FMN1: variants seen among roughly 807,000 people sequenced by gnomAD.
FMN1 encodes formin 1, also known as formin-1.
In FMN1, 110 loss-of-function variants were observed where a neutral mutation model predicts 132.4. The ratio of observed to expected loss-of-function variants is 0.83; its 90% CI spans 0.71 to 0.97. The LOEUF (loss-of-function observed/expected upper bound fraction) is 0.97. Ranked by LOEUF, FMN1 falls within the 50% of genes least tolerant of loss-of-function variation. The probability of loss-of-function intolerance (pLI) is 0.00; values close to 1 mark genes in which losing one functional copy is unlikely to be tolerated. For synonymous variants in FMN1, 722 were observed against 651.7 expected (o/e 1.11, Z -1.64); for missense variants, 1,792 against 1,705.3 (o/e 1.05, Z -0.90).
At chr15:32,851,125 T>C (rs1368398660) in intron 17 of FMN1, among the ~76,000 whole-genome samples, 2 of 152,138 alleles carry the variant, frequency 1.3e-5, no homozygotes, top group African/African-American at 4.8e-5. Flanking sequence ...TCAAAGGAAC[T>C]TAGAAAATAG....
intron 4 of FMN1, chr15:33,150,047 T>C (rs1471214582): frequency 2.0e-6 from 2 of 985,330 alleles, no homozygotes; most frequent in Non-Finnish European, 2.4e-6. Context: ...CTGGAGCATA[T>C]GCTTCCATCA....
intron 4 of FMN1, among the ~76,000 whole-genome samples, chr15:33,106,877 TTC>T (rs1419803358): frequency 4.6e-5 from 7 of 152,050 alleles, no homozygotes; most frequent in African/African-American, 1.2e-4. Context: ...GTGCAGAATC[TTC>T]TCTGTCTTCA....
intron 4 of FMN1, among the ~76,000 whole-genome samples, chr15:33,127,640 C>T (rs59907211): frequency 1.3e-5 from 1 of 75,868 alleles, no homozygotes; most frequent in Admixed American, 1.6e-4. Flanking sequence ...TCCAATCAAA[C>T]TCAGCACCAT....
Position 33,153,685 on chromosome 15 carries a change from C to T in FMN1, c.1230G>A (p.Ser410=), listed in dbSNP as rs748413973. 3.2e-5 allele frequency: 49 copies of T among 1,536,244 alleles called. No homozygotes were observed. The East Asian group carries it at 4.2e-4, about 13-fold the overall frequency. The change falls in exon 4 of 21, where the codon TCG becomes TCA. Residue 410 remains serine, a synonymous_variant. Transcript: ENST00000616417. ...TGTTCACGGCCCCCTCGGCACTGGC[C>T]GACACACTAGAAATGGAGGCTGTTT... is the stretch of plus-strand genomic sequence containing the variant. ...AGETASISSV[S]ASAEGAVNKV... is the part of the protein sequence containing the mutation.
At chr15:32,886,143 G>C (rs966203902) in intron 16 of FMN1, among the ~76,000 whole-genome samples, 5 of 152,150 alleles carry the variant, frequency 3.3e-5, no homozygotes, top group Non-Finnish European at 5.9e-5. Flanking sequence ...ATTCATTAGA[G>C]AACCTACGGT....
intron 6 of FMN1, among the ~76,000 whole-genome samples, chr15:33,010,464 A>G (rs938466585): frequency 2.6e-5 from 4 of 151,430 alleles, no homozygotes; most frequent in African/African-American, 9.8e-5. Flanking sequence ...AAAGGATGTT[A>G]ATTTGTTTTA....
intron 9 of FMN1, among the ~76,000 whole-genome samples, chr15:32,952,767 A>T (rs2061682261): frequency 6.6e-6 from 1 of 152,212 alleles, no homozygotes; most frequent in Non-Finnish European, 1.5e-5. Flanking sequence ...TAAGGCACCT[A>T]GCATGAAAGT....
At chr15:33,082,939 A>C (rs368588819) in intron 5 of FMN1, among the ~76,000 whole-genome samples, 15 of 152,316 alleles carry the variant, frequency 9.8e-5, no homozygotes, top group African/African-American at 2.6e-4. Context: ...TGGAAACTTC[A>C]TGGCCCAAAA....
At chr15:32,804,842 A>C (rs1163512153) in intron 17 of FMN1, among the ~76,000 whole-genome samples, 3 of 151,942 alleles carry the variant, frequency 2.0e-5, no homozygotes, top group African/African-American at 7.3e-5. Context: ...GCATGAACTT[A>C]CCCTTTTTTA....
intron 5 of FMN1, among the ~76,000 whole-genome samples, chr15:33,075,260 G>A (rs964579831): frequency 2.0e-5 from 3 of 152,062 alleles, no homozygotes; most frequent in Non-Finnish European, 4.4e-5. Context: ...GTTTTCCCAG[G>A]AAAGGAACAG....
Position 32,768,655 on chromosome 15 carries a change from G to A in FMN1, c.*5655C>T, listed in dbSNP as rs1436757184. ...ACGTGATTTTCTGCCTGAAACTATA[G>A]TCTTCTTTGCATTTTGCTGGCCCAA... is the stretch of plus-strand genomic sequence containing the variant. On this transcript the variant is annotated 3_prime_UTR_variant, in exon 21 of 21. Transcript: ENST00000616417. 6.6e-6 allele frequency: 1 copy of A among 152,166 alleles called. No homozygotes were observed. The highest frequency in any genetic ancestry group is 1.5e-5 in the Non-Finnish European group (1 of 68,042). The allele number at this position is 152,166 out of a possible 1,614,324, so 9.4% of individuals were successfully genotyped here.
chr15:33,122,450 A>T (rs1962657071), intron 4 of FMN1, among the ~76,000 whole-genome samples: 1 of 152,234 alleles, frequency 6.6e-6, no homozygotes, highest in African/African-American at 2.4e-5. Context: ...TATTGGCTTT[A>T]GACAGTACAC....
intron 8 of FMN1, 43 bp downstream of exon 8, chr15:32,968,671 C>T (rs1355976328): frequency 1.3e-5 from 21 of 1,608,948 alleles, no homozygotes; most frequent in Non-Finnish European, 1.7e-5. Flanking sequence ...TGGGCCAAAT[C>T]CTAGGAATTC....
At chr15:32,984,433 C>CT (rs2032921292) in intron 7 of FMN1, among the ~76,000 whole-genome samples, 1 of 152,116 alleles carries the variant, frequency 6.6e-6, no homozygotes, top group African/African-American at 2.4e-5. Context: ...ATATAGTAAG[C>CT]TGCAAATTCT....
intron 16 of FMN1, among the ~76,000 whole-genome samples, chr15:32,883,470 G>A (rs2059818178): frequency 8.4e-6 from 1 of 119,016 alleles, no homozygotes; most frequent in South Asian, 3.0e-4. Context: ...TGATTGTGCT[G>A]TTACTCTCAA....
chr15:33,083,825 A>G (rs780204314), intron 5 of FMN1, among the ~76,000 whole-genome samples: 2 of 152,180 alleles, frequency 1.3e-5, no homozygotes, highest in Non-Finnish European at 2.9e-5. Context: ...CCCTGCTGAT[A>G]CAGGATGTCA....
chr15:32,868,764 T>C (rs575715609), intron 16 of FMN1, among the ~76,000 whole-genome samples: 1 of 152,150 alleles, frequency 6.6e-6, no homozygotes, highest in African/African-American at 2.4e-5. Flanking sequence ...TAAATCCCTG[T>C]CCGGGTTCCA....
intron 7 of FMN1, among the ~76,000 whole-genome samples, chr15:32,976,651 C>T (rs1163996523): frequency 6.6e-6 from 1 of 152,148 alleles, no homozygotes; most frequent in Admixed American, 6.5e-5. Context: ...CACTTAGAAA[C>T]ATGAGGCACA....
intron 6 of FMN1, among the ~76,000 whole-genome samples, chr15:33,050,280 C>T (rs1055021617): frequency 3.9e-5 from 6 of 152,144 alleles, no homozygotes; most frequent in Non-Finnish European, 7.3e-5. Context: ...TTGGAAAATG[C>T]TTCCTTTAGA....
Sources: gnomAD v4.1 joint callset for allele counts (sites outside exome capture counted in the v4.1 genomes callset) on GRCh38, gnomAD v4.1.1 for gene constraint, MANE v1.5 for transcripts, NCBI Gene and HGNC (gene_info 2026-07-23, HGNC 2026-07-21) for gene names.